The following AFAP1 variants were observed in gnomAD, a reference collection of about 807,000 sequenced individuals.
The protein encoded by AFAP1 is actin filament associated protein 1, also known as actin filament-associated protein 1.
Under a neutral mutation model 93.9 loss-of-function variants are expected in AFAP1, and 75 were observed. The observed-to-expected ratio is 0.80, with a 90% confidence interval of 0.66 to 0.97. The LOEUF is 0.97. AFAP1 is among the 50% of genes least tolerant of loss of function. The pLI, the probability that AFAP1 is intolerant of heterozygous loss-of-function variation, is 0.00. For synonymous variants in AFAP1, 517 were observed against 430.7 expected, an observed-to-expected ratio of 1.20 and a Z score of -2.48; for missense variants, 1,201 against 1,050.8, an observed-to-expected ratio of 1.14 and a Z score of -1.98.
rs16841140 is a variant in AFAP1 at position 7,768,728 on chromosome 4, G to C, written c.2418+116C>G. On this transcript the variant is annotated intron_variant, in intron 17 of 17. Transcript: ENST00000420658. Reference sequence around the variant, plus strand: ...CATTCCCAGATGTCTACTGAAGGCTGAGTGCCAAGTGGATGCAGTAGGAAG... The same window carrying C: ...CATTCCCAGATGTCTACTGAAGGCTCAGTGCCAAGTGGATGCAGTAGGAAG... 6.1e-3 allele frequency: 7,865 copies of C among 1,284,540 alleles called. 387 individuals carry two copies. The African/African-American group carries it at 0.1, about 17-fold the overall frequency. 79.6% of individuals were successfully genotyped at this position (1,284,540 alleles called of 1,614,324 possible).
rs35346388 is a variant in AFAP1 at position 7,880,278 on chromosome 4, C to CTTT, written c.-2-8201_-2-8199dup. On this transcript the variant is annotated intron_variant, in intron 1 of 17. Transcript: ENST00000420658. The stretch of plus-strand genomic sequence containing the variant: ...AGGAGGGACCCTGGAACCCAAATGC[C>CTTT]TTTTTTTTTTTTTTTTTTTGAGACG... Among the ~76,000 whole-genome samples the CTTT allele has an allele frequency of 3.8e-3, 453 of 120,548 alleles. 10 individuals are homozygous for CTTT. The highest frequency in any genetic ancestry group is 7.0e-3 in the East Asian group (28 of 3,978). 79.1% of individuals were successfully genotyped at this position (120,548 alleles called of 152,430 possible). A position where few individuals can be genotyped will look rare whatever the true frequency, so the allele number is the denominator to read the frequency against.
chr4:7,824,833 A>G (rs1228415087), intron 6 of AFAP1, among the ~76,000 whole-genome samples: 1 of 152,086 alleles, frequency 6.6e-6, no homozygotes, highest in African/African-American at 2.4e-5. Flanking sequence ...GGAACTGGTG[A>G]AGGGTACAGT....
chr4:7,787,237 G>A (rs1176862559), intron 11 of AFAP1, among the ~76,000 whole-genome samples: 4 of 152,242 alleles, frequency 2.6e-5, no homozygotes, highest in African/African-American at 9.6e-5. Context: ...GCGGTGCCGG[G>A]AGCGTGGTGC....
chr4:7,891,259 C>G (rs1053588197), intron 1 of AFAP1, among the ~76,000 whole-genome samples: 6 of 152,146 alleles, frequency 3.9e-5, no homozygotes, highest in African/African-American at 1.4e-4. Context: ...AGCGGTTGCC[C>G]GGGTCTGTGT....
chr4:7,782,722 A>C (rs1716895825), intron 12 of AFAP1, among the ~76,000 whole-genome samples: 1 of 152,210 alleles, frequency 6.6e-6, no homozygotes, highest in South Asian at 2.1e-4. Context: ...GTCTTCCTGC[A>C]TAGTCCTTTC....
chr4:7,786,124 T>C, intron 12 of AFAP1, 70 bp downstream of exon 12: 2 of 1,435,942 alleles, frequency 1.4e-6, no homozygotes, highest in Non-Finnish European at 1.9e-6. Flanking sequence ...CCAGGGGAAC[T>C]GAAGCACAGA....
chr4:7,805,506 G>C (rs899971155), intron 9 of AFAP1, among the ~76,000 whole-genome samples: 1 of 152,182 alleles, frequency 6.6e-6, no homozygotes, highest in African/African-American at 2.4e-5. Flanking sequence ...TGAATACATG[G>C]ATAATCACAG....
rs1247929917 is a variant in AFAP1, at chr4:7,939,694, G to A, written c.-41C>T. 3 of 416,386 alleles carry A rather than the reference G, an allele frequency of 7.2e-6. No homozygotes were observed. The highest frequency in any genetic ancestry group is 3.3e-5 in the South Asian group (2 of 60,882). 25.8% of individuals were successfully genotyped at this position (416,386 alleles called of 1,614,324 possible). The stretch of plus-strand genomic sequence containing the variant: ...CTCGCAGCGCTCGCTCCTCGCCGCG[G>A]CGCCTGGGCCGACTGGAGCGCAGCT... On this transcript the variant is annotated 5_prime_UTR_variant, in exon 1 of 18. Transcript: ENST00000420658. This position sits in a 1 kb window ranked among gnomAD's most constrained non-coding sequence, Gnocchi z 5.6.
Position 7,801,621 on chromosome 4 carries a change from C to A in AFAP1, c.1055-968G>T, listed in dbSNP as rs577585274. 3.3e-5 allele frequency among the ~76,000 whole-genome samples: 5 copies of A among 152,074 alleles called. No individual in the cohort carries two copies. The East Asian group carries it at 7.7e-4, about 24-fold the overall frequency. On this transcript the variant is annotated intron_variant, in intron 9 of 17. Transcript: ENST00000420658. ...AAGATTTAGAAAGCGAGATAAATAG[C>A]ATAGAAAATGTTGATAGTGGCAGAA...
intron 9 of AFAP1, among the ~76,000 whole-genome samples, chr4:7,807,233 C>G (rs571194312): frequency 7.2e-6 from 1 of 138,260 alleles, no homozygotes; most frequent in South Asian, 2.2e-4. Flanking sequence ...TAGTTTCCTT[C>G]TTGTTGGCTA....
intron 8 of AFAP1, among the ~76,000 whole-genome samples, chr4:7,812,472 TG>T (rs749406014): frequency 1.3e-5 from 2 of 152,106 alleles, no homozygotes; most frequent in Non-Finnish European, 2.9e-5. Context: ...ATGGTAATCC[TG>T]GGGCGAAAAA....
chr4:7,792,741 G>A (rs180685238), intron 11 of AFAP1, among the ~76,000 whole-genome samples: 25 of 152,266 alleles, frequency 1.6e-4, no homozygotes, highest in Non-Finnish European at 1.8e-4. Flanking sequence ...AAACCCACGG[G>A]CTTCAGAGCC....
chr4:7,884,426 A>C (rs1243229644), intron 1 of AFAP1, among the ~76,000 whole-genome samples: 2 of 152,228 alleles, frequency 1.3e-5, no homozygotes. Context: ...GAGATGTCTA[A>C]GAACAATGAA....
intron 9 of AFAP1, among the ~76,000 whole-genome samples, chr4:7,801,444 A>G (rs553515691): frequency 6.6e-6 from 1 of 152,088 alleles, no homozygotes; most frequent in Non-Finnish European, 1.5e-5. Flanking sequence ...AAAAAAAAAA[A>G]CCTCCTCAAA....
At chr4:7,847,272 T>C (rs745750620) in intron 4 of AFAP1, among the ~76,000 whole-genome samples, 6 of 152,122 alleles carry the variant, frequency 3.9e-5, no homozygotes, top group Admixed American at 1.3e-4. Flanking sequence ...AAAGTATGCT[T>C]AGCAATGACC....
chr4:7,856,249 A>AT (rs111609003), intron 3 of AFAP1, among the ~76,000 whole-genome samples: 27,119 of 149,114 alleles, frequency 0.18, 3,822 homozygotes, highest in African/African-American at 0.4. Context: ...TCATGTCACA[A>AT]TTTTTTTTTT....
At chr4:7,819,712 G>A (rs547659769) in intron 6 of AFAP1, among the ~76,000 whole-genome samples, 245 of 152,306 alleles carry the variant, frequency 1.6e-3, no homozygotes, top group Middle Eastern at 3.4e-3. Context: ...GAGGGAGAAC[G>A]TGGTAGGAGA....
chr4:7,766,934 G>A (rs557455285), intron 17 of AFAP1, among the ~76,000 whole-genome samples: 9 of 151,912 alleles, frequency 5.9e-5, no homozygotes, highest in African/African-American at 1.2e-4. Context: ...CAGGAATACC[G>A]CAGCGGGCAT....
At chr4:7,879,541 A>G (rs891563634) in intron 1 of AFAP1, among the ~76,000 whole-genome samples, 3 of 152,222 alleles carry the variant, frequency 2.0e-5, no homozygotes, top group Middle Eastern at 3.4e-3. Context: ...AAACACCGAC[A>G]CCAAACAAAA....
Sources: allele counts gnomAD v4.1 joint callset (sites outside exome capture counted in the v4.1 genomes callset), GRCh38; gene constraint gnomAD v4.1.1; non-coding constraint Gnocchi (gnomAD v3.1); transcripts MANE v1.5; gene names NCBI Gene and HGNC (gene_info 2026-07-23, HGNC 2026-07-21).